TENM3: variants seen among roughly 807,000 people sequenced by gnomAD.
The protein encoded by TENM3 is teneurin-3.
TENM3 carries 63 observed loss-of-function variants against 255.1 expected under a neutral mutation model. The observed-to-expected ratio is 0.25, with a 90% CI of 0.20 to 0.30. TENM3 has a LOEUF of 0.30. Among genes scored for constraint, TENM3 ranks in the 10% least tolerant of loss-of-function variants. The pLI, the probability that TENM3 is intolerant of heterozygous loss-of-function variation, is 1.00. For missense variants in TENM3, 2,929 were observed against 3,461.1 expected (o/e 0.85, Z 3.86); for synonymous variants, 1,306 against 1,322.3 (o/e 0.99, Z 0.27).
intron 3 of TENM3, among the ~76,000 whole-genome samples, chr4:182,367,200 G>A (rs1293977549): frequency 2.6e-5 from 4 of 152,142 alleles, no homozygotes; most frequent in Non-Finnish European, 4.4e-5. Context: ...ACAGCAGTAC[G>A]TACTTATAGT....
the TENM3 span, among the ~76,000 whole-genome samples, chr4:181,679,918 A>G: frequency 6.6e-6 from 1 of 152,214 alleles, no homozygotes; most frequent in East Asian, 1.9e-4. Flanking sequence ...TTGGTACACA[A>G]ATCATCATTT....
Position 182,419,064 on chromosome 4 carries a change from T to C in TENM3, c.511+72135T>C, listed in dbSNP as rs2085475. Among the ~76,000 whole-genome samples, 504 of 152,352 alleles carry C rather than the reference T, an allele frequency of 3.3e-3. 10 individuals carry two copies. The highest frequency in any genetic ancestry group is 0.022 in the Admixed American group (344 of 15,302). ...ACAATTCGGCCTTACAAAGACATTC[T>C]ATATATGAAATTATTTAAGATCTTT... is the stretch of plus-strand genomic sequence containing the variant. On this transcript the variant is annotated intron_variant, in intron 3 of 27. Coordinates refer to ENST00000511685, the MANE Select transcript of TENM3 (RefSeq NM_001080477.4).
chr4:181,864,444 G>C, the TENM3 span, among the ~76,000 whole-genome samples: 3 of 152,020 alleles, frequency 2.0e-5, no homozygotes, highest in East Asian at 1.9e-4. Context: ...GAGAGAGAGA[G>C]AGAGAAAGCA....
chr4:181,875,917 C>T, the TENM3 span, among the ~76,000 whole-genome samples: 33 of 152,180 alleles, frequency 2.2e-4, no homozygotes, highest in African/African-American at 7.0e-4. Flanking sequence ...ATCTGTCCCA[C>T]ATTTCCTTAC....
chr4:182,085,397 T>A, the TENM3 span, among the ~76,000 whole-genome samples: 1 of 152,180 alleles, frequency 6.6e-6, no homozygotes, highest in Non-Finnish European at 1.5e-5. Context: ...TAGTCACCAA[T>A]GGCAGGCCCA....
rs185965980 is a variant in TENM3, at chr4:182,262,826, G to T, written c.-76+19350G>T. On this transcript the variant is annotated intron_variant, in intron 1 of 27. Transcript: ENST00000511685. ...CCTCCCGGGTTCACGCCATTCTCCT[G>T]CTTCAGCCTCCCGAGCAGCTGGGAC... Among the ~76,000 whole-genome samples, 1,036 of 148,252 alleles carry T rather than the reference G, an allele frequency of 7.0e-3. 6 individuals carry two copies. The highest frequency in any genetic ancestry group is 0.01 in the Non-Finnish European group (702 of 67,582).
the TENM3 span, among the ~76,000 whole-genome samples, chr4:181,859,654 T>C: frequency 3.3e-5 from 5 of 152,202 alleles, no homozygotes; most frequent in Non-Finnish European, 7.4e-5. Context: ...GACTACTCAG[T>C]GGTACCAATG....
At chr4:182,161,780 TACACAAA>T (rs1751280268) in intron 1 of TENM3, among the ~76,000 whole-genome samples, 1 of 1,764 alleles carries the variant, frequency 5.7e-4, no homozygotes, top group Non-Finnish European at 4.3e-3. Context: ...TATATATATA[TACACAAA>T]TATATGTATA....
At chr4:181,836,618 G>T in the TENM3 span, among the ~76,000 whole-genome samples, 1 of 151,996 alleles carries the variant, frequency 6.6e-6, no homozygotes, top group Non-Finnish European at 1.5e-5. Context: ...TCAGTTTCTT[G>T]GATACTACTC....
At chr4:182,486,592 A>G (rs1734747382) in intron 3 of TENM3, among the ~76,000 whole-genome samples, 1 of 152,194 alleles carries the variant, frequency 6.6e-6, no homozygotes, top group Non-Finnish European at 1.5e-5. Flanking sequence ...ATCAACAAAA[A>G]TCTTGGTAAT....
intron 3 of TENM3, among the ~76,000 whole-genome samples, chr4:182,362,045 C>T (rs1035910578): frequency 5.3e-5 from 8 of 152,128 alleles, no homozygotes; most frequent in Admixed American, 1.3e-4. Flanking sequence ...TTTCGTGAAC[C>T]GCGAAAGCTG....
At chr4:182,162,852 G>C (rs114883965) in intron 1 of TENM3, among the ~76,000 whole-genome samples, 2 of 152,044 alleles carry the variant, frequency 1.3e-5, no homozygotes, top group African/African-American at 4.8e-5. Flanking sequence ...CAGAGCCTTC[G>C]CGGCCTAATT....
chr4:181,533,502 A>T, the TENM3 span, among the ~76,000 whole-genome samples: 1 of 151,978 alleles, frequency 6.6e-6, no homozygotes, highest in South Asian at 2.1e-4. Flanking sequence ...TTAAGGATGG[A>T]TTGGTTTTCT....
chr4:182,377,865 G>A (rs536697729), intron 3 of TENM3, among the ~76,000 whole-genome samples: 21 of 152,274 alleles, frequency 1.4e-4, no homozygotes, highest in African/African-American at 4.6e-4. Context: ...CAAAGTTTGA[G>A]TGAATGTCTT....
chr4:181,597,429 G>A, the TENM3 span, among the ~76,000 whole-genome samples: 1 of 151,856 alleles, frequency 6.6e-6, no homozygotes, highest in African/African-American at 2.4e-5. Flanking sequence ...TCTACGTTAT[G>A]TTCCTCTTTA....
intron 3 of TENM3, among the ~76,000 whole-genome samples, chr4:182,461,300 G>C (rs1774304441): frequency 6.6e-6 from 1 of 152,210 alleles, no homozygotes; most frequent in Admixed American, 6.5e-5. Flanking sequence ...TTATGGACAA[G>C]TGACAGGAGA....
At chr4:182,424,688 G>A (rs770818382) in intron 3 of TENM3, among the ~76,000 whole-genome samples, 22 of 152,130 alleles carry the variant, frequency 1.4e-4, no homozygotes, top group Non-Finnish European at 2.5e-4. Flanking sequence ...TTAATTCCAC[G>A]GAAAAGTAAG....
intron 3 of TENM3, among the ~76,000 whole-genome samples, chr4:182,416,531 A>G (rs1169608745): frequency 6.6e-6 from 1 of 152,026 alleles, no homozygotes; most frequent in Non-Finnish European, 1.5e-5. Context: ...TTTCAGTTTA[A>G]CATTTCTTTT....
chr4:181,678,043 A>G, the TENM3 span, among the ~76,000 whole-genome samples: 1 of 152,074 alleles, frequency 6.6e-6, no homozygotes, highest in Non-Finnish European at 1.5e-5. Flanking sequence ...TATTTTAGCG[A>G]TTATTTTTTG....
Sources: gnomAD v4.1 joint callset for allele counts (sites outside exome capture counted in the v4.1 genomes callset) on GRCh38, gnomAD v4.1.1 for gene constraint, MANE v1.5 for transcripts, NCBI Gene and HGNC (gene_info 2026-07-23, HGNC 2026-07-21) for gene names.